SETBP1: variants seen among roughly 807,000 people sequenced by gnomAD.
The protein encoded by SETBP1 is SET-binding protein.
In SETBP1, 9 loss-of-function variants were observed where a neutral mutation model predicts 101.0. The observed-to-expected ratio is 0.09, with a 90% confidence interval of 0.05 to 0.16. The LOEUF is 0.16. SETBP1 is among the 10% of genes least tolerant of loss of function. The pLI, the probability that SETBP1 is intolerant of heterozygous loss-of-function variation, is 1.00. For missense variants in SETBP1, 1,858 were observed against 2,033.8 expected, an observed-to-expected ratio of 0.91 and a Z score of 1.66; for synonymous variants, 818 against 788.5, an observed-to-expected ratio of 1.04 and a Z score of -0.63.
At chr18:44,886,761 T>C (rs1430606951) in intron 3 of SETBP1, among the ~76,000 whole-genome samples, 1 of 111,790 alleles carries the variant, frequency 8.9e-6, no homozygotes, top group African/African-American at 3.4e-5. Flanking sequence ...CATTTTATTA[T>C]TATTATTATT....
intron 1 of SETBP1, among the ~76,000 whole-genome samples, chr18:44,691,068 T>G (rs1382725186): frequency 6.6e-6 from 1 of 152,176 alleles, no homozygotes; most frequent in Non-Finnish European, 1.5e-5. Flanking sequence ...TTAGAACTCA[T>G]GTATGTAGAA....
chr18:45,001,074 A>ATTCT (rs1261112702), intron 4 of SETBP1, among the ~76,000 whole-genome samples: 3 of 151,902 alleles, frequency 2.0e-5, no homozygotes, highest in Admixed American at 2.0e-4. Flanking sequence ...TCATTCATTC[A>ATTCT]TTCTCCATTT....
chr18:44,860,827 G>T (rs773087037), intron 2 of SETBP1, among the ~76,000 whole-genome samples: 1 of 151,958 alleles, frequency 6.6e-6, no homozygotes, highest in Non-Finnish European at 1.5e-5. Context: ...AAGGCAGTAC[G>T]GTCTTAAAAT....
chr18:44,843,038 C>T (rs28514344), intron 2 of SETBP1, among the ~76,000 whole-genome samples: 8,150 of 152,330 alleles, frequency 0.054, 722 homozygotes, highest in African/African-American at 0.18. Context: ...GCAGCCAGGC[C>T]GCTCAGCCCA....
chr18:44,865,704 C>T (rs771458389), intron 2 of SETBP1, among the ~76,000 whole-genome samples: 4 of 151,898 alleles, frequency 2.6e-5, no homozygotes, highest in Non-Finnish European at 5.9e-5. Flanking sequence ...TTGGTTAGAG[C>T]GTGGTTAGAA....
intron 2 of SETBP1, among the ~76,000 whole-genome samples, chr18:44,742,274 C>A (rs1015620498): frequency 6.6e-6 from 1 of 152,202 alleles, no homozygotes. Flanking sequence ...CCCCGCACCC[C>A]GGTCTCCTGA....
In SETBP1 at chr18:44,943,840, C is replaced by CT. The variant is rs57430235; in HGVS notation, c.541-6029dup. 8.3e-4 allele frequency among the ~76,000 whole-genome samples: 118 copies of CT among 142,634 alleles called. 1 individual carries two copies. Among genetic ancestry groups the CT allele is most frequent in the South Asian group, 1.4e-3 (6 of 4,414 alleles). 93.6% of individuals were successfully genotyped at this position (142,634 alleles called of 152,430 possible). ...GGTCCTTTCTTTTTTCTTTTTTTTT[C>CT]TTTTTTTTTTTTGAGACAGAGTCTC... On this transcript the variant is annotated intron_variant, in intron 3 of 5. Transcript: ENST00000649279.
At chr18:44,907,723 G>T (rs143868813) in intron 3 of SETBP1, among the ~76,000 whole-genome samples, 1 of 152,176 alleles carries the variant, frequency 6.6e-6, no homozygotes, top group African/African-American at 2.4e-5. Flanking sequence ...GTTGTATAGG[G>T]CTTCCTTATG....
At chr18:45,063,035 C>T (rs780766066) in intron 5 of SETBP1, 44 bp from the exon 6 acceptor site, 30 of 1,611,736 alleles carry the variant, frequency 1.9e-5, no homozygotes, top group Admixed American at 1.7e-5. Flanking sequence ...GTTGAAGGCA[C>T]CTTGCATCCT....
intron 4 of SETBP1, among the ~76,000 whole-genome samples, chr18:44,978,886 A>G (rs1239916310): frequency 6.6e-6 from 1 of 152,192 alleles, no homozygotes; most frequent in Non-Finnish European, 1.5e-5. Context: ...CGGATGTCTT[A>G]AAGATTGTGC....
chr18:44,900,604 G>A (rs2070021073), intron 3 of SETBP1, among the ~76,000 whole-genome samples: 1 of 152,174 alleles, frequency 6.6e-6, no homozygotes, highest in East Asian at 1.9e-4. Context: ...CGTTCACAAT[G>A]AATGCCACAG....
At chr18:45,029,759 T>G (rs1457267221) in intron 4 of SETBP1, among the ~76,000 whole-genome samples, 3 of 152,202 alleles carry the variant, frequency 2.0e-5, no homozygotes, top group Non-Finnish European at 4.4e-5. Context: ...GGTATTTTAT[T>G]CCCTTTGAAG....
At chr18:44,763,255 T>C (rs759813100) in intron 2 of SETBP1, among the ~76,000 whole-genome samples, 9 of 152,202 alleles carry the variant, frequency 5.9e-5, no homozygotes, top group Non-Finnish European at 1.3e-4. Context: ...TAGTAGGTCA[T>C]AGAAGACGTT....
intron 2 of SETBP1, among the ~76,000 whole-genome samples, chr18:44,814,441 T>G (rs1049358048): frequency 2.0e-5 from 3 of 152,154 alleles, no homozygotes; most frequent in African/African-American, 7.2e-5. Flanking sequence ...TACAATAAAT[T>G]GGGCCAACAT....
intron 4 of SETBP1, among the ~76,000 whole-genome samples, chr18:45,031,652 A>G (rs1265709658): frequency 6.6e-6 from 1 of 152,228 alleles, no homozygotes; most frequent in African/African-American, 2.4e-5. Context: ...CTAGAATGAT[A>G]GATGTGTCCA....
chr18:44,874,529 C>T (rs918851800), intron 3 of SETBP1, among the ~76,000 whole-genome samples: 3 of 152,008 alleles, frequency 2.0e-5, no homozygotes, highest in Admixed American at 1.3e-4. Flanking sequence ...GGCTGAGGAC[C>T]GTGGGGGTAT....
chr18:44,864,914 GAT>G (rs2069096418), intron 2 of SETBP1, among the ~76,000 whole-genome samples: 2 of 151,966 alleles, frequency 1.3e-5, no homozygotes, highest in Non-Finnish European at 2.9e-5. Context: ...ATGGAGTGGA[GAT>G]AGGGTTCAAG....
At chr18:44,709,209 A>G (rs2069288211) in intron 2 of SETBP1, among the ~76,000 whole-genome samples, 2 of 152,054 alleles carry the variant, frequency 1.3e-5, no homozygotes, top group African/African-American at 2.4e-5. Context: ...GACCCCCCCA[A>G]GGAAGGTTTT....
In SETBP1 at chr18:44,783,751, A is replaced by G. The variant is rs546153314; in HGVS notation, c.486+81919A>G. ...TATCCTTAAATTTTAAATGCAGAACATGAGGCCTGGAGAGTTAACTTGACT... is the reference window on the plus strand; with the variant it reads ...TATCCTTAAATTTTAAATGCAGAACGTGAGGCCTGGAGAGTTAACTTGACT... On this transcript the variant is annotated intron_variant, in intron 2 of 5. Transcript: ENST00000649279. 3.9e-5 allele frequency among the ~76,000 whole-genome samples: 6 copies of G among 152,346 alleles called. No homozygotes were observed. The East Asian group carries it at 1.2e-3, about 29-fold the overall frequency.
Sources: gnomAD v4.1 joint callset for allele counts (sites outside exome capture counted in the v4.1 genomes callset) on GRCh38, gnomAD v4.1.1 for gene constraint, MANE v1.5 for transcripts, NCBI Gene and HGNC (gene_info 2026-07-23, HGNC 2026-07-21) for gene names.